The following SEMA3A variants were observed in gnomAD, a reference collection of about 807,000 sequenced individuals.
SEMA3A encodes the protein semaphorin 3A, also known as semaphorin-3A.
In SEMA3A, 29 loss-of-function variants were observed where a neutral mutation model predicts 97.9. That is an observed-to-expected ratio of 0.30 (90% CI 0.22 to 0.40). The LOEUF (loss-of-function observed/expected upper bound fraction) is 0.40, where lower values mean the gene tolerates loss of function less well. Among genes scored for constraint, SEMA3A ranks in the 10% least tolerant of loss-of-function variants. SEMA3A has a pLI of 1.00. For missense variants in SEMA3A, 763 were observed against 951.3 expected (o/e 0.80, Z 2.60); for synonymous variants, 321 against 323.7 (o/e 0.99, Z 0.09).
intron 1 of SEMA3A, among the ~76,000 whole-genome samples, chr7:84,476,843 T>C (rs1806296168): frequency 1.3e-5 from 2 of 151,984 alleles, no homozygotes; most frequent in Admixed American, 6.6e-5. Context: ...AAGTTGACTA[T>C]TTCTTGTAAC....
intron 1 of SEMA3A, among the ~76,000 whole-genome samples, chr7:84,417,390 C>T (rs1046753349): frequency 1.3e-5 from 2 of 151,944 alleles, no homozygotes; most frequent in Admixed American, 6.6e-5. Flanking sequence ...TGTCTATTTA[C>T]ATGATAGAAG....
chr7:84,139,578 C>G (rs2214665), intron 1 of SEMA3A, among the ~76,000 whole-genome samples: 34,133 of 151,862 alleles, frequency 0.22, 3,981 homozygotes, highest in African/African-American at 0.27. Flanking sequence ...TGCTCAATAA[C>G]TGCTAATTAT....
At chr7:84,188,361 T>C (rs1024935351) in intron 1 of SEMA3A, among the ~76,000 whole-genome samples, 1 of 152,036 alleles carries the variant, frequency 6.6e-6, no homozygotes, top group African/African-American at 2.4e-5. Context: ...CTATTTATAC[T>C]GATGTTTATG....
chr7:84,476,968 A>C (rs1806300958), intron 1 of SEMA3A, among the ~76,000 whole-genome samples: 2 of 151,674 alleles, frequency 1.3e-5, no homozygotes, highest in Admixed American at 1.3e-4. Flanking sequence ...TATAACACTT[A>C]ACACTTGTGC....
intron 3 of SEMA3A, among the ~76,000 whole-genome samples, chr7:84,122,142 T>C (rs140546750): frequency 0.011 from 1,597 of 151,836 alleles, 29 homozygotes; most frequent in Non-Finnish European, 0.012. Flanking sequence ...CCACCAACAG[T>C]GTAAAACTGT....
chr7:84,330,850 CA>C (rs1801894331), intron 2 of SEMA3A, among the ~76,000 whole-genome samples: 1 of 151,942 alleles, frequency 6.6e-6, no homozygotes, highest in African/African-American at 2.4e-5. Flanking sequence ...TTTATTAAAT[CA>C]AAGAGGATGA....
intron 1 of SEMA3A, among the ~76,000 whole-genome samples, chr7:84,163,216 C>T (rs932880853): frequency 2.0e-5 from 3 of 152,034 alleles, no homozygotes; most frequent in Non-Finnish European, 4.4e-5. Context: ...TATTCATATG[C>T]TTTGTATAAT....
chr7:84,407,864 CT>C (rs1421104874), intron 1 of SEMA3A, among the ~76,000 whole-genome samples: 7 of 152,272 alleles, frequency 4.6e-5, no homozygotes, highest in African/African-American at 1.7e-4. Flanking sequence ...AAACTGGATC[CT>C]TTCCTTACAC....
At chr7:84,323,777 C>T (rs771305392) in intron 2 of SEMA3A, among the ~76,000 whole-genome samples, 1 of 152,122 alleles carries the variant, frequency 6.6e-6, no homozygotes, top group Non-Finnish European at 1.5e-5. Flanking sequence ...GTTTATGCAA[C>T]ACAGGCTAAG....
At chr7:83,985,839 G>C (rs1789611948) in intron 12 of SEMA3A, among the ~76,000 whole-genome samples, 1 of 152,184 alleles carries the variant, frequency 6.6e-6, no homozygotes, top group Admixed American at 6.5e-5. Context: ...CAAAGAAGTA[G>C]AGCTTTGTTC....
intron 2 of SEMA3A, among the ~76,000 whole-genome samples, chr7:84,307,809 A>C (rs1801198270): frequency 6.6e-6 from 1 of 152,178 alleles, no homozygotes; most frequent in Admixed American, 6.5e-5. Flanking sequence ...TTTAAAGTAA[A>C]TAGAAATTTT....
At chr7:84,022,927 G>A (rs1791383171) in intron 6 of SEMA3A, among the ~76,000 whole-genome samples, 2 of 152,184 alleles carry the variant, frequency 1.3e-5, no homozygotes, top group South Asian at 4.1e-4. Flanking sequence ...ATGCTATCAT[G>A]TGAAGCATGG....
In SEMA3A at chr7:84,425,595, CAT is replaced by C. The variant is rs200221332; in HGVS notation, c.-245-53697_-245-53696del. ...AAACATATATTGATATAAATATAAA[CAT>C]ATTGATATAAATATTAACATATATT... On this transcript the variant is annotated intron_variant, in intron 1 of 3. Transcript: ENST00000424555. Among the ~76,000 whole-genome samples the C allele has an allele frequency of 3.6e-3, 527 of 144,832 alleles. 4 individuals are homozygous for C. Among genetic ancestry groups the C allele is most frequent in the African/African-American group, 0.012 (498 of 39,890 alleles).
At chr7:84,051,914 G>A (rs1792675585) in intron 5 of SEMA3A, among the ~76,000 whole-genome samples, 1 of 150,098 alleles carries the variant, frequency 6.7e-6, no homozygotes, top group African/African-American at 2.4e-5. Context: ...AGAGTTTTTA[G>A]CATGAAGGGT....
chr7:84,449,206 A>G (rs1012215557), intron 1 of SEMA3A, among the ~76,000 whole-genome samples: 6 of 152,210 alleles, frequency 3.9e-5, no homozygotes, highest in African/African-American at 1.4e-4. Context: ...AACATAGATC[A>G]AAAGTGTCAC....
chr7:84,067,484 C>T (rs1296880397), intron 4 of SEMA3A, among the ~76,000 whole-genome samples: 1 of 150,858 alleles, frequency 6.6e-6, no homozygotes, highest in African/African-American at 2.4e-5. Context: ...AGTGAACAGG[C>T]AACCTACAAA....
intron 1 of SEMA3A, among the ~76,000 whole-genome samples, chr7:84,476,113 T>C (rs1289727615): frequency 3.3e-5 from 5 of 152,078 alleles, no homozygotes; most frequent in African/African-American, 1.2e-4. Context: ...TCCCAGCACT[T>C]TGGGAGGCCA....
chr7:84,276,115 A>G (rs375828984), intron 3 of SEMA3A, among the ~76,000 whole-genome samples: 12 of 151,984 alleles, frequency 7.9e-5, no homozygotes, highest in African/African-American at 2.4e-4. Context: ...ATGTTACTTG[A>G]TATTTACCCA....
rs115676053 is a variant in SEMA3A at position 84,310,880 on chromosome 7, G to T, written c.-168-3588C>A. On this transcript the variant is annotated intron_variant, in intron 2 of 3. Coordinates refer to the SEMA3A transcript ENST00000424555. ...CTCGCCTTCCATTTGTCTCTCATGA[G>T]AGGGTGGGAAGATGAGGTAATTTGG... Among the ~76,000 whole-genome samples, 1,178 of 151,920 alleles carry T rather than the reference G, an allele frequency of 7.8e-3. 13 individuals are homozygous for T. Among genetic ancestry groups the T allele is most frequent in the African/African-American group, 0.027 (1,126 of 41,472 alleles).
Sources: allele counts gnomAD v4.1 joint callset (sites outside exome capture counted in the v4.1 genomes callset), GRCh38; gene constraint gnomAD v4.1.1; transcripts MANE v1.5; gene names NCBI Gene and HGNC (gene_info 2026-07-23, HGNC 2026-07-21).